Variants in MAP4K3 observed in about 807,000 individuals in gnomAD.
MAP4K3 encodes the protein MAPK/ERK kinase kinase kinase 3.
In MAP4K3, 94 loss-of-function variants were observed where a neutral mutation model predicts 143.5. The observed-to-expected ratio is 0.65, with a 90% confidence interval of 0.55 to 0.78. The LOEUF is 0.78. Among genes scored for constraint, MAP4K3 ranks in the 30% least tolerant of loss-of-function variants. The pLI, the probability that MAP4K3 is intolerant of heterozygous loss-of-function variation, is 0.00. For missense variants in MAP4K3, 1,077 were observed against 1,068.1 expected, an observed-to-expected ratio of 1.01 and a Z score of -0.12; for synonymous variants, 416 against 347.2, an observed-to-expected ratio of 1.20 and a Z score of -2.20.
chr2:39,312,939 C>T (rs1312820083), intron 13 of MAP4K3, among the ~76,000 whole-genome samples: 1 of 152,178 alleles, frequency 6.6e-6, no homozygotes, highest in African/African-American at 2.4e-5. Context: ...GATTGTACAA[C>T]CCCTGAGTGC....
intron 27 of MAP4K3, among the ~76,000 whole-genome samples, chr2:39,266,463 G>A (rs1302273554): frequency 3.3e-5 from 5 of 152,060 alleles, no homozygotes; most frequent in Admixed American, 2.0e-4. Flanking sequence ...CCAGCTAAGC[G>A]AATAGTCAGC....
chr2:39,316,217 A>C (rs528587990), intron 12 of MAP4K3, among the ~76,000 whole-genome samples: 1 of 152,174 alleles, frequency 6.6e-6, no homozygotes, highest in South Asian at 2.1e-4. Flanking sequence ...TAACTAATTA[A>C]ATGTGATCAC....
Position 39,414,284 on chromosome 2 carries a change from A to C in MAP4K3, c.96+22608T>G, listed in dbSNP as rs571285670. ...GAACAAAAATCCTGCTCTTAACCTT[A>C]AAATTGTATCTTACTACTAAATCCT... On this transcript the variant is annotated intron_variant, in intron 1 of 33. Transcript: ENST00000263881. 9.3e-4 allele frequency among the ~76,000 whole-genome samples: 141 copies of C among 152,298 alleles called. 1 individual carries two copies. Among genetic ancestry groups the C allele is most frequent in the African/African-American group, 3.0e-3 (126 of 41,560 alleles).
chr2:39,375,987 C>T (rs1043849935), intron 2 of MAP4K3, among the ~76,000 whole-genome samples: 1 of 152,178 alleles, frequency 6.6e-6, no homozygotes, highest in South Asian at 2.1e-4. Context: ...GGCAGTTAGA[C>T]TGTTTCCAAT....
Position 39,336,463 on chromosome 2 carries a change from C to T in MAP4K3, c.414+457G>A, listed in dbSNP as rs1019700488. Among the ~76,000 whole-genome samples the T allele has an allele frequency of 6.1e-5, 6 of 97,662 alleles. No homozygotes were observed. The Admixed American group carries it at 9.7e-4, about 16-fold the overall frequency. 64.1% of individuals were successfully genotyped at this position (97,662 alleles called of 152,430 possible). A position where few individuals can be genotyped will look rare whatever the true frequency, so the allele number is the denominator to read the frequency against. ...CTCTAGCCTGGGCAACAGAGCGAGA[C>T]TCCATCTCAAAAAAAAAAAAAAAAA... On this transcript the variant is annotated intron_variant, in intron 6 of 33. Coordinates refer to ENST00000263881, the MANE Select transcript of MAP4K3 (RefSeq NM_003618.4).
intron 2 of MAP4K3, among the ~76,000 whole-genome samples, chr2:39,367,377 A>T (rs1365742528): frequency 6.6e-6 from 1 of 152,038 alleles, no homozygotes; most frequent in African/African-American, 2.4e-5. Flanking sequence ...CCTCATCTGT[A>T]GAAAAATTAA....
rs189463026 is a variant in MAP4K3, at chr2:39,250,044, C to T, written c.*574G>A. ...TATCAATACTTTGTGCAAATATAAA[C>T]ACCAGTGTACTTGCATTAAAATTAA... On this transcript the variant is annotated 3_prime_UTR_variant, in exon 34 of 34. Transcript: ENST00000263881. The T allele has an allele frequency of 2.0e-5, 3 of 152,608 alleles. No individual in the cohort carries two copies. Among genetic ancestry groups the T allele is most frequent in the Admixed American group, 2.0e-4 (3 of 15,298 alleles). The allele number at this position is 152,608 out of a possible 1,614,324, so 9.5% of individuals were successfully genotyped here. A position where few individuals can be genotyped will look rare whatever the true frequency, so the allele number is the denominator to read the frequency against.
intron 26 of MAP4K3, among the ~76,000 whole-genome samples, chr2:39,271,342 G>C (rs1393762832): frequency 8.6e-5 from 13 of 152,016 alleles, no homozygotes; most frequent in African/African-American, 2.9e-4. Context: ...AGCTAAAAAG[G>C]TCTCTATTGA....
intron 33 of MAP4K3, 78 bp from the exon 34 acceptor site, chr2:39,250,783 T>TC: frequency 9.1e-7 from 1 of 1,100,556 alleles, no homozygotes; most frequent in Admixed American, 1.9e-5. Context: ...TTCCATTGCT[T>TC]CTCCAATATG....
intron 6 of MAP4K3, among the ~76,000 whole-genome samples, chr2:39,335,002 T>C (rs1683816621): frequency 1.3e-5 from 2 of 152,000 alleles, no homozygotes; most frequent in Admixed American, 6.6e-5. Flanking sequence ...GAGAAGACTA[T>C]TTCAGGAAAG....
intron 6 of MAP4K3, among the ~76,000 whole-genome samples, chr2:39,335,846 C>T (rs1216431178): frequency 1.3e-5 from 2 of 152,098 alleles, no homozygotes; most frequent in Non-Finnish European, 2.9e-5. Context: ...TGAAGACATG[C>T]GCATAAGGGC....
intron 7 of MAP4K3, among the ~76,000 whole-genome samples, chr2:39,332,293 T>G (rs929944421): frequency 6.6e-6 from 1 of 151,994 alleles, no homozygotes; most frequent in Non-Finnish European, 1.5e-5. Context: ...ATTGCCAAAC[T>G]TATTAATATT....
intron 3 of MAP4K3, among the ~76,000 whole-genome samples, chr2:39,345,525 A>T (rs1270059652): frequency 6.6e-6 from 1 of 152,180 alleles, no homozygotes; most frequent in African/African-American, 2.4e-5. Flanking sequence ...ACCGTAGTGG[A>T]CAAGGTAGCA....
chr2:39,373,358 T>C (rs1317601316), intron 2 of MAP4K3, among the ~76,000 whole-genome samples: 3 of 152,132 alleles, frequency 2.0e-5, no homozygotes, highest in East Asian at 3.8e-4. Flanking sequence ...TTAACACAAC[T>C]ACTATGGAGA....
intron 16 of MAP4K3, among the ~76,000 whole-genome samples, chr2:39,296,551 T>A (rs1682289362): frequency 6.6e-6 from 1 of 152,150 alleles, no homozygotes; most frequent in Non-Finnish European, 1.5e-5. Flanking sequence ...TACAAACAGA[T>A]ATGGCAGAGG....
intron 28 of MAP4K3, 162 bp from the exon 29 acceptor site, chr2:39,260,939 T>G (rs1277026450): frequency 3.5e-6 from 2 of 566,780 alleles, no homozygotes; most frequent in East Asian, 3.0e-5. Context: ...TATAAACATT[T>G]TAGGTTTACC....
At position 39,385,551 on chromosome 2, in the gene MAP4K3, CATATATATATATATATATATAT is replaced by C. The variant is rs140387430; in HGVS notation, c.97-7450_97-7429del. 9.1e-4 allele frequency among the ~76,000 whole-genome samples: 101 copies of C among 111,256 alleles called. 2 individuals carry two copies. Among genetic ancestry groups the C allele is most frequent in the African/African-American group, 3.8e-3 (83 of 22,046 alleles). The allele number at this position is 111,256 out of a possible 152,430, so 73.0% of individuals were successfully genotyped here. A position where few individuals can be genotyped will look rare whatever the true frequency, so the allele number is the denominator to read the frequency against. On this transcript the variant is annotated intron_variant, in intron 1 of 33. Coordinates refer to ENST00000263881, the MANE Select transcript of MAP4K3 (RefSeq NM_003618.4). ...TTCTTACTGAGTTATGAGCGTTCTT[CATATATATATATATATATATAT>C]ATATATATATATATATATATTCTAT...
In MAP4K3 at chr2:39,436,998, A is replaced by G; in HGVS notation, c.-11T>C. Reference sequence around the variant, plus strand: ...GAAGCCGGGGTTCATGGCGGGCCCCAGGTGCCCCCCGCCTCCCTCCCGGGC... The same window carrying G: ...GAAGCCGGGGTTCATGGCGGGCCCCGGGTGCCCCCCGCCTCCCTCCCGGGC... On this transcript the variant is annotated 5_prime_UTR_variant, in exon 1 of 34. Coordinates refer to ENST00000263881, the MANE Select transcript of MAP4K3 (RefSeq NM_003618.4). The G allele has an allele frequency of 6.2e-7, 1 of 1,606,650 alleles. No individual in the cohort carries two copies. Among genetic ancestry groups the G allele is most frequent in the Middle Eastern group, 1.7e-4 (1 of 5,912 alleles).
intron 1 of MAP4K3, among the ~76,000 whole-genome samples, chr2:39,378,533 C>T (rs918465804): frequency 6.6e-6 from 1 of 152,108 alleles, no homozygotes; most frequent in Non-Finnish European, 1.5e-5. Flanking sequence ...GGATTCAAAC[C>T]TAGGCAGTCT....
Sources: allele counts gnomAD v4.1 joint callset (sites outside exome capture counted in the v4.1 genomes callset), GRCh38; gene constraint gnomAD v4.1.1; transcripts MANE v1.5; gene names NCBI Gene and HGNC (gene_info 2026-07-23, HGNC 2026-07-21).